The following MGAT5 variants were observed in gnomAD, a reference collection of about 807,000 sequenced individuals.
MGAT5 encodes the protein alpha-1,6-mannosylglycoprotein 6-beta-N-acetylglucosaminyltransferase A.
Under a neutral mutation model 94.3 loss-of-function variants are expected in MGAT5, and 30 were observed. The ratio of observed to expected loss-of-function variants is 0.32; its 90% CI spans 0.24 to 0.43. The LOEUF is 0.43. MGAT5 is among the 20% of genes least tolerant of loss of function. MGAT5 has a pLI of 1.00. For missense variants in MGAT5, 691 were observed against 905.5 expected, an observed-to-expected ratio of 0.76 and a Z score of 3.04; for synonymous variants, 310 against 322.9, an observed-to-expected ratio of 0.96 and a Z score of 0.43.
At chr2:134,249,884 G>A (rs554570121), upstream of MGAT5, among the ~76,000 whole-genome samples, 53 of 152,330 alleles carry the variant, frequency 3.5e-4, no homozygotes, top group African/African-American at 1.3e-3. Flanking sequence ...TCCCACCAGT[G>A]GTAGATGAGG....
At position 134,448,763 on chromosome 2, in the gene MGAT5, A is replaced by G. The variant is rs1558896388; in HGVS notation, c.2142A>G (p.Ala714=). Residue 714 remains alanine (A), a synonymous_variant, in exon 16 of 16, where the codon GCA becomes GCG. Coordinates refer to ENST00000281923, the MANE Select transcript of MGAT5 (RefSeq NM_002410.5). ...GTGACCTCCTGCTCTTCAGCTGTGC[A>G]GGCGCCCACCCCAGGCACCAGAGGG... ...FQGDLLLFSC[A]GAHPRHQRVC... is the part of the protein sequence containing the mutation. 1.9e-6 allele frequency: 3 copies of G among 1,614,206 alleles called. No individual in the cohort carries two copies. The highest frequency in any genetic ancestry group is 2.5e-6 in the Non-Finnish European group (3 of 1,180,038).
chr2:134,209,182 A>ATTTTTTTTTTC (rs1680188742), intron 1 of MGAT5, among the ~76,000 whole-genome samples: 1 of 30,500 alleles, frequency 3.3e-5, no homozygotes, highest in Non-Finnish European at 4.4e-5. Flanking sequence ...TTTTTTTTTT[A>ATTTTTTTTTTC]TTTTTTAATT....
intron 10 of MGAT5, among the ~76,000 whole-genome samples, chr2:134,378,213 G>T (rs952923788): frequency 1.3e-5 from 2 of 152,176 alleles, no homozygotes; most frequent in Non-Finnish European, 2.9e-5. Context: ...TGGTTCCCGG[G>T]AAACTTCTTC....
chr2:134,418,092 G>GA lies in MGAT5; in HGVS notation c.1678-4701dup, dbSNP rs10712850. On this transcript the variant is annotated intron_variant, in intron 12 of 15. Transcript: ENST00000281923. The stretch of plus-strand genomic sequence containing the variant: ...TGGCCACTGAGTATTTTTTTCCCGG[G>GA]AAAAAAAAAATTAGGACACTCTTAA... 1.1e-3 allele frequency among the ~76,000 whole-genome samples: 158 copies of GA among 149,298 alleles called. 1 individual carries two copies. The highest frequency in any genetic ancestry group is 3.6e-3 in the African/African-American group (145 of 40,810).
chr2:134,389,395 G>T (rs1682256332), intron 10 of MGAT5, among the ~76,000 whole-genome samples: 1 of 152,148 alleles, frequency 6.6e-6, no homozygotes, highest in Admixed American at 6.5e-5. Flanking sequence ...GACAACATCT[G>T]CACTAAGCTA....
At chr2:134,120,346 G>A in intron 1 of MGAT5, 2 of 387,706 alleles carry the variant, frequency 5.2e-6, no homozygotes, top group South Asian at 1.3e-4. Context: ...CATCCCCGCG[G>A]GGTGATGCGC....
intron 1 of MGAT5, among the ~76,000 whole-genome samples, chr2:134,170,177 C>T (rs943332010): frequency 1.3e-5 from 2 of 152,232 alleles, no homozygotes; most frequent in African/African-American, 4.8e-5. Context: ...GAATGAAGTG[C>T]TCTTGATCTG....
At chr2:134,126,913 T>A (rs1458357793) in intron 1 of MGAT5, among the ~76,000 whole-genome samples, 1 of 152,156 alleles carries the variant, frequency 6.6e-6, no homozygotes, top group Non-Finnish European at 1.5e-5. Context: ...CATCTTATTT[T>A]CACCTCCAGT....
intron 1 of MGAT5, chr2:134,120,322 C>A (rs1189279085): frequency 2.6e-6 from 1 of 390,386 alleles, no homozygotes; most frequent in African/African-American, 2.1e-5. Flanking sequence ...GTGATCGCGT[C>A]GGAGGGAGCT....
chr2:134,200,867 T>TA (rs1292970816), intron 1 of MGAT5, among the ~76,000 whole-genome samples: 5 of 151,800 alleles, frequency 3.3e-5, no homozygotes, highest in African/African-American at 4.8e-5. Context: ...AAAATAAAAA[T>TA]AAAAAAAATT....
At chr2:134,294,939 C>G (rs1005944312) in intron 2 of MGAT5, among the ~76,000 whole-genome samples, 2 of 152,148 alleles carry the variant, frequency 1.3e-5, no homozygotes, top group Admixed American at 1.3e-4. Flanking sequence ...CCTGTTCCAG[C>G]CAATGGAAAC....
At chr2:134,130,273 C>CACCGCCCCACACCGCCCCAT in intron 1 of MGAT5, among the ~76,000 whole-genome samples, 1 of 145,084 alleles carries the variant, frequency 6.9e-6, no homozygotes, top group Non-Finnish European at 1.5e-5. Context: ...CACCGCCCCA[C>CACCGCCCCACACCGCCCCAT]ACCCTGGCGG....
intron 1 of MGAT5, among the ~76,000 whole-genome samples, chr2:134,191,261 A>G (rs114630113): frequency 0.011 from 1,733 of 152,364 alleles, 20 homozygotes; most frequent in South Asian, 0.027. Context: ...GGGTATTGTC[A>G]TGGTTTGAAT....
At chr2:134,191,805 C>G (rs113208373) in intron 1 of MGAT5, among the ~76,000 whole-genome samples, 1 of 148,918 alleles carries the variant, frequency 6.7e-6, no homozygotes, top group Non-Finnish European at 1.5e-5. Flanking sequence ...CTCCTCCTCG[C>G]GCGAGCGGGT....
At chr2:134,188,982 C>A (rs1689179597) in intron 1 of MGAT5, among the ~76,000 whole-genome samples, 1 of 152,186 alleles carries the variant, frequency 6.6e-6, no homozygotes, top group Non-Finnish European at 1.5e-5. Flanking sequence ...AATGAAGAGA[C>A]ACATGGGCTG....
chr2:134,324,174 T>C (rs954958205), intron 4 of MGAT5, among the ~76,000 whole-genome samples: 1 of 152,180 alleles, frequency 6.6e-6, no homozygotes, highest in Non-Finnish European at 1.5e-5. Flanking sequence ...CTAATTTGTT[T>C]ATGCTTTTCT....
rs1681439138 is a variant in MGAT5, at chr2:134,232,821, TTGTTATGGTG to T, written c.-142-21427_-142-21418del. ...GTCTTCTTGATTCTGTGGGTGGTGG[TTGTTATGGTG>T]TGTTATGGTGTGTCTTCTTGTATGT... is the stretch of plus-strand genomic sequence containing the variant. On this transcript the variant is annotated intron_variant, in intron 1 of 16. Coordinates refer to the MGAT5 transcript ENST00000409645. Among the ~76,000 whole-genome samples, 4 of 152,150 alleles carry T rather than the reference TTGTTATGGTG, an allele frequency of 2.6e-5. No homozygotes were observed. In the South Asian group the frequency reaches 8.3e-4, roughly 32 times the overall value.
chr2:134,386,341 G>T (rs779828959), intron 10 of MGAT5, among the ~76,000 whole-genome samples: 1 of 152,162 alleles, frequency 6.6e-6, no homozygotes, highest in Non-Finnish European at 1.5e-5. Context: ...AAAATTTCCG[G>T]TAGTCAGAAC....
At chr2:134,428,214 A>G in intron 13 of MGAT5, 151 bp from the exon 14 acceptor site, 1 of 613,772 alleles carries the variant, frequency 1.6e-6, no homozygotes, top group Non-Finnish European at 2.9e-6. Flanking sequence ...AGTAAGGATC[A>G]GCTTGAGATC....
Sources: gnomAD v4.1 joint callset for allele counts (sites outside exome capture counted in the v4.1 genomes callset) on GRCh38, gnomAD v4.1.1 for gene constraint, MANE v1.5 for transcripts, NCBI Gene and HGNC (gene_info 2026-07-23, HGNC 2026-07-21) for gene names.